The following BTBD9 variants were observed in gnomAD, a reference collection of about 807,000 sequenced individuals.
The protein encoded by BTBD9 is BTB/POZ domain-containing protein 9.
In BTBD9, 49 loss-of-function variants were observed where a neutral mutation model predicts 64.3. The observed-to-expected ratio is 0.76, with a 90% CI of 0.61 to 0.97. The LOEUF (loss-of-function observed/expected upper bound fraction) is 0.97. Among genes scored for constraint, BTBD9 ranks in the 50% least tolerant of loss-of-function variants. The pLI, the probability that BTBD9 is intolerant of heterozygous loss-of-function variation, is 0.00. For missense variants in BTBD9, 598 were observed against 762.1 expected (o/e 0.78, Z 2.53); for synonymous variants, 260 against 274.7 (o/e 0.95, Z 0.53).
At chr6:38,243,750 G>T (rs150092902) in intron 9 of BTBD9, among the ~76,000 whole-genome samples, 123 of 152,278 alleles carry the variant, frequency 8.1e-4, no homozygotes, top group African/African-American at 2.7e-3. Context: ...GACAAGTTGT[G>T]TTTGAGAAAC....
Position 38,577,590 on chromosome 6 carries a change from GA to G in BTBD9, c.1154+9del. Reference sequence around the variant, plus strand: ...GAATAAAAATCATTTATTAACCACTGAAAACTAACCTGCAGACACGGGCTGG... The same window carrying G: ...GAATAAAAATCATTTATTAACCACTGAAACTAACCTGCAGACACGGGCTGG... On this transcript the variant is annotated intron_variant, in intron 6 of 10. Coordinates refer to ENST00000481247, the MANE Select transcript of BTBD9 (RefSeq NM_001099272.2). 6.3e-7 allele frequency: 1 copy of G among 1,594,578 alleles called. No homozygotes were observed.
At chr6:38,494,108 A>C (rs1456420637) in intron 6 of BTBD9, among the ~76,000 whole-genome samples, 5 of 152,318 alleles carry the variant, frequency 3.3e-5, no homozygotes, top group Non-Finnish European at 5.9e-5. Flanking sequence ...TTCTGACTTG[A>C]ATAAGTGGTT....
chr6:38,586,194 G>A (rs1261488549), intron 4 of BTBD9, among the ~76,000 whole-genome samples: 1 of 151,934 alleles, frequency 6.6e-6, no homozygotes, highest in Non-Finnish European at 1.5e-5. Flanking sequence ...AACTTTTTAG[G>A]ATAGATAGAA....
rs371564417 is a variant in BTBD9, at chr6:38,580,204, T to G, written c.1034+14A>C. ...AAACATAATGTCAGTTTCTAAGTCA[T>G]GCTAATCACTTACCGGCTATCTCGG... On this transcript the variant is annotated intron_variant, in intron 5 of 10. Transcript: ENST00000481247. 19 of 1,609,520 alleles carry G rather than the reference T, an allele frequency of 1.2e-5. No homozygotes were observed. Among genetic ancestry groups the G allele is most frequent in the Non-Finnish European group, 1.6e-5 (19 of 1,176,012 alleles).
At position 38,290,759 on chromosome 6, in the gene BTBD9, C is replaced by A. The variant is rs543585029; in HGVS notation, c.1265-2298G>T. Among the ~76,000 whole-genome samples the A allele has an allele frequency of 2.0e-5, 3 of 152,234 alleles. No homozygotes were observed. In the East Asian group the frequency reaches 5.8e-4, roughly 29 times the overall value. ...CATTGTCTAAGTCACATGGTCTTAT[C>A]TAACTTCAGAGGGGACTAGAAAGCA... On this transcript the variant is annotated intron_variant, in intron 7 of 10. Transcript: ENST00000481247.
intron 6 of BTBD9, among the ~76,000 whole-genome samples, chr6:38,542,291 C>T (rs1437304129): frequency 6.6e-6 from 1 of 152,178 alleles, no homozygotes; most frequent in East Asian, 1.9e-4. Flanking sequence ...GGTCTTCCCG[C>T]ACCCACAGTA....
intron 9 of BTBD9, among the ~76,000 whole-genome samples, chr6:38,205,490 T>C (rs964186494): frequency 6.6e-6 from 1 of 152,078 alleles, no homozygotes; most frequent in African/African-American, 2.4e-5. Flanking sequence ...AAAGAAATTG[T>C]CATTCAGGCA....
chr6:38,550,702 A>G (rs1582619232), intron 6 of BTBD9, among the ~76,000 whole-genome samples: 1 of 151,790 alleles, frequency 6.6e-6, no homozygotes, highest in African/African-American at 2.4e-5. Flanking sequence ...AGCAATCCCT[A>G]CCTCCACTGC....
chr6:38,544,703 G>C (rs904193521), intron 6 of BTBD9, among the ~76,000 whole-genome samples: 1 of 152,010 alleles, frequency 6.6e-6, no homozygotes, highest in Non-Finnish European at 1.5e-5. Flanking sequence ...AAGGCAGGCA[G>C]ATCACCTGAG....
Sources: allele counts gnomAD v4.1 joint callset (sites outside exome capture counted in the v4.1 genomes callset), GRCh38; gene constraint gnomAD v4.1.1; transcripts MANE v1.5; gene names NCBI Gene and HGNC (gene_info 2026-07-23, HGNC 2026-07-21).